SOX5: variants seen among roughly 807,000 people sequenced by gnomAD.
SOX5 encodes the protein transcription factor SOX-5.
In SOX5, 9 loss-of-function variants were observed where a neutral mutation model predicts 92.0. That is an observed-to-expected ratio of 0.10 (90% CI 0.06 to 0.17). The LOEUF is 0.17. Among genes scored for constraint, SOX5 ranks in the 10% least tolerant of loss-of-function variants. The probability of loss-of-function intolerance (pLI) is 1.00; values close to 1 mark genes in which losing one functional copy is unlikely to be tolerated. For synonymous variants in SOX5, 344 were observed against 336.3 expected (o/e 1.02, Z -0.25); for missense variants, 642 against 944.5 (o/e 0.68, Z 4.20).
At chr12:24,521,517 G>A (rs993794942) in intron 1 of SOX5, among the ~76,000 whole-genome samples, 1 of 152,196 alleles carries the variant, frequency 6.6e-6, no homozygotes, top group Non-Finnish European at 1.5e-5. Flanking sequence ...TTCTTCTCGA[G>A]CAAATGTGGA....
At chr12:24,475,975 C>T (rs1374016300) in intron 1 of SOX5, among the ~76,000 whole-genome samples, 1 of 147,866 alleles carries the variant, frequency 6.8e-6, no homozygotes, top group African/African-American at 2.5e-5. Flanking sequence ...GAGCAAGACC[C>T]TGTCTCCGAA....
intron 9 of SOX5, among the ~76,000 whole-genome samples, chr12:23,588,424 T>C (rs75005039): frequency 0.021 from 3,124 of 152,112 alleles, 98 homozygotes; most frequent in African/African-American, 0.071. Context: ...ATTTAAGAAA[T>C]AGTCCATTAA....
chr12:24,069,466 T>C (rs942314848), intron 4 of SOX5, among the ~76,000 whole-genome samples: 3 of 152,188 alleles, frequency 2.0e-5, no homozygotes, highest in Admixed American at 1.3e-4. Context: ...TAAAGATATA[T>C]CATTATAAAA....
chr12:23,627,611 A>C (rs1160958456), intron 8 of SOX5, among the ~76,000 whole-genome samples: 1 of 152,062 alleles, frequency 6.6e-6, no homozygotes, highest in African/African-American at 2.4e-5. Flanking sequence ...TAATCCTCAC[A>C]ACACCTTTAT....
chr12:24,075,401 T>C (rs1304626698), intron 4 of SOX5, among the ~76,000 whole-genome samples: 8 of 152,092 alleles, frequency 5.3e-5, no homozygotes, highest in Admixed American at 5.2e-4. Flanking sequence ...TCAATATGTT[T>C]TGAGAAATGA....
intron 4 of SOX5, among the ~76,000 whole-genome samples, chr12:24,106,586 T>C (rs562536222): frequency 6.6e-6 from 1 of 152,058 alleles, no homozygotes; most frequent in East Asian, 1.9e-4. Context: ...AGGTCAGCAG[T>C]TCGAGACCAG....
chr12:24,443,515 T>C (rs1474489400), intron 1 of SOX5, among the ~76,000 whole-genome samples: 1 of 152,228 alleles, frequency 6.6e-6, no homozygotes, highest in Non-Finnish European at 1.5e-5. Flanking sequence ...ATTTACTTCT[T>C]TACATAAACT....
At chr12:24,334,913 TAA>T (rs55668750) in intron 2 of SOX5, among the ~76,000 whole-genome samples, 1 of 147,820 alleles carries the variant, frequency 6.8e-6, no homozygotes, top group Non-Finnish European at 1.5e-5. Flanking sequence ...CCCAATTATG[TAA>T]AAAAAAAAAA....
intron 3 of SOX5, among the ~76,000 whole-genome samples, chr12:23,836,738 G>C (rs929696344): frequency 1.3e-5 from 2 of 151,804 alleles, no homozygotes; most frequent in African/African-American, 4.8e-5. Flanking sequence ...GATTTAGCTG[G>C]GGCTTAATGA....
intron 1 of SOX5, among the ~76,000 whole-genome samples, chr12:24,477,703 T>A (rs1180232551): frequency 6.6e-6 from 1 of 152,170 alleles, no homozygotes; most frequent in South Asian, 2.1e-4. Flanking sequence ...TGAAATAAGA[T>A]GAATATTGTT....
chr12:24,497,638 T>C (rs1947778909), intron 1 of SOX5, among the ~76,000 whole-genome samples: 1 of 152,202 alleles, frequency 6.6e-6, no homozygotes, highest in Admixed American at 6.5e-5. Flanking sequence ...GAAGACAGTG[T>C]GGTGATTCCT....
At chr12:24,109,949 C>T (rs80242315) in intron 4 of SOX5, among the ~76,000 whole-genome samples, 6,921 of 152,216 alleles carry the variant, frequency 0.045, 166 homozygotes, top group Middle Eastern at 0.065. Flanking sequence ...TACTTTAACG[C>T]TAATTTCATT....
Position 23,635,796 on chromosome 12 carries a change from T to G in SOX5, c.1017+5016A>C, listed in dbSNP as rs1484478775. 5.3e-5 allele frequency among the ~76,000 whole-genome samples: 8 copies of G among 152,062 alleles called. No homozygotes were observed. The East Asian group carries it at 1.3e-3, about 26-fold the overall frequency. On this transcript the variant is annotated intron_variant, in intron 8 of 14. Coordinates refer to ENST00000451604, the MANE Select transcript of SOX5 (RefSeq NM_006940.6). ...GGGCTGCTGTGGTGAATTAGGAAAG[T>G]CATAAGGATAGCTCGACCCAAATGA... is the stretch of plus-strand genomic sequence containing the variant.
intron 2 of SOX5, among the ~76,000 whole-genome samples, chr12:23,883,237 C>A (rs2137197997): frequency 6.6e-6 from 1 of 151,812 alleles, no homozygotes. Context: ...AATAGAACCA[C>A]AGAGCTTTCT....
At chr12:24,418,664 T>C (rs1278116314) in intron 1 of SOX5, among the ~76,000 whole-genome samples, 1 of 152,222 alleles carries the variant, frequency 6.6e-6, no homozygotes, top group Non-Finnish European at 1.5e-5. Context: ...GCCAGCCCAA[T>C]AATCTGCCCC....
rs959226435 is a variant in SOX5 at position 24,169,343 on chromosome 12, A to C, written c.-2+44000T>G. ...CTTCGGGAAAAGAAATTCACTTCAAATCATTATTGTCAAAATCCATTATCA... is the reference window on the plus strand; with the variant it reads ...CTTCGGGAAAAGAAATTCACTTCAACTCATTATTGTCAAAATCCATTATCA... On this transcript the variant is annotated intron_variant, in intron 4 of 4. Coordinates refer to the SOX5 transcript ENST00000446891. Among the ~76,000 whole-genome samples the C allele has an allele frequency of 3.9e-5, 6 of 152,230 alleles. No individual in the cohort carries two copies. In the East Asian group the frequency reaches 1.2e-3, roughly 29 times the overall value.
chr12:24,358,863 T>G (rs911746230), intron 2 of SOX5, among the ~76,000 whole-genome samples: 1 of 152,238 alleles, frequency 6.6e-6, no homozygotes, highest in Non-Finnish European at 1.5e-5. Flanking sequence ...TATTTGCTAC[T>G]ATTTATTAAG....
intron 4 of SOX5, among the ~76,000 whole-genome samples, chr12:24,131,484 G>T (rs893604785): frequency 6.6e-6 from 1 of 152,098 alleles, no homozygotes; most frequent in African/African-American, 2.4e-5. Flanking sequence ...ATTGTTCATT[G>T]AACTTATTTA....
intron 4 of SOX5, among the ~76,000 whole-genome samples, chr12:24,005,290 T>C (rs550840962): frequency 6.6e-6 from 1 of 152,150 alleles, no homozygotes; most frequent in South Asian, 2.1e-4. Context: ...GAAACATGAC[T>C]GATCTTTAAG....
Sources: allele counts gnomAD v4.1 joint callset (sites outside exome capture counted in the v4.1 genomes callset), GRCh38; gene constraint gnomAD v4.1.1; transcripts MANE v1.5; gene names NCBI Gene and HGNC (gene_info 2026-07-23, HGNC 2026-07-21).